Variants in INPP5A observed in about 807,000 individuals in gnomAD.
INPP5A encodes 43 kDa inositol polyphosphate 5-phophatase.
A neutral mutation model predicts 65.2 loss-of-function variants in INPP5A; 14 were observed. The observed-to-expected ratio is 0.21, with a 90% confidence interval of 0.14 to 0.34. The LOEUF (loss-of-function observed/expected upper bound fraction) is 0.34, where lower values mean the gene tolerates loss of function less well. Ranked by LOEUF, INPP5A falls within the 10% of genes least tolerant of loss-of-function variation. The pLI is 1.00. For missense variants in INPP5A, 431 were observed against 545.6 expected (o/e 0.79, Z 2.09); for synonymous variants, 207 against 208.3 (o/e 0.99, Z 0.05).
intron 1 of INPP5A, among the ~76,000 whole-genome samples, chr10:132,605,024 C>T (rs2071827898): frequency 6.6e-6 from 1 of 151,998 alleles, no homozygotes; most frequent in Admixed American, 6.5e-5. Context: ...AGGGTGGATC[C>T]ACTTGTGTTT....
At chr10:132,685,425 C>T (rs1254006622) in intron 4 of INPP5A, among the ~76,000 whole-genome samples, 2 of 152,266 alleles carry the variant, frequency 1.3e-5, no homozygotes, top group Non-Finnish European at 2.9e-5. Flanking sequence ...CTGTCTCGAG[C>T]AGAGTGTGTG....
rs903158995 is a variant in INPP5A, at chr10:132,547,771, G to A, written c.75+9600G>A. ...GCCCGCGTGCCCCCAGCCCTGTGAC[G>A]CGCTCTTGGTGACTCACCAAGTGAG... On this transcript the variant is annotated intron_variant, in intron 1 of 15. Coordinates refer to ENST00000368594, the MANE Select transcript of INPP5A (RefSeq NM_005539.5). This position sits in a 1 kb window ranked among gnomAD's most constrained non-coding sequence, Gnocchi z 5.5. Among the ~76,000 whole-genome samples, 9 of 152,138 alleles carry A rather than the reference G, an allele frequency of 5.9e-5. No individual in the cohort carries two copies. The highest frequency in any genetic ancestry group is 1.7e-4 in the African/African-American group (7 of 41,430).
At chr10:132,688,236 TAA>T (rs1420832269) in intron 4 of INPP5A, among the ~76,000 whole-genome samples, 1 of 152,142 alleles carries the variant, frequency 6.6e-6, no homozygotes, top group Non-Finnish European at 1.5e-5. Context: ...GCCCAGAACA[TAA>T]GTCCCCTCAC....
chr10:132,768,072 T>C (rs1186392932), intron 12 of INPP5A, among the ~76,000 whole-genome samples: 2 of 136,262 alleles, frequency 1.5e-5, no homozygotes, highest in Non-Finnish European at 3.1e-5. Flanking sequence ...ACGCACCCAA[T>C]GGCATTCCAG....
intron 8 of INPP5A, among the ~76,000 whole-genome samples, chr10:132,724,351 G>A (rs1052239635): frequency 3.9e-5 from 6 of 152,208 alleles, no homozygotes; most frequent in African/African-American, 1.4e-4. Context: ...AATTCCGGAT[G>A]GATTAAAGGA....
chr10:132,773,663 G>T (rs1464993249), intron 12 of INPP5A, among the ~76,000 whole-genome samples: 2 of 152,238 alleles, frequency 1.3e-5, no homozygotes, highest in Non-Finnish European at 1.5e-5. Flanking sequence ...CATACAGACT[G>T]TGGGACCTGT....
intron 4 of INPP5A, among the ~76,000 whole-genome samples, chr10:132,662,191 A>C (rs2072745245): frequency 6.6e-6 from 1 of 152,214 alleles, no homozygotes; most frequent in East Asian, 1.9e-4. Context: ...GTAGCACTGC[A>C]GCCGTCGTGT....
Position 132,637,068 on chromosome 10 carries a change from C to T in INPP5A, c.118-8800C>T, listed in dbSNP as rs1015250334. On this transcript the variant is annotated intron_variant, in intron 2 of 15. Transcript: ENST00000368594. The surrounding 1 kb of genome is among the most constrained non-coding windows in gnomAD (Gnocchi z 4.1). ...AAGTAGGTAGGACTACAAGCGTGCG[C>T]CACCAGGCCCAGCTAATTTTTGCAT... Among the ~76,000 whole-genome samples the T allele has an allele frequency of 4.6e-5, 7 of 152,174 alleles. No homozygotes were observed. Among genetic ancestry groups the T allele is most frequent in the Non-Finnish European group, 1.0e-4 (7 of 68,040 alleles).
At position 132,670,643 on chromosome 10, in the gene INPP5A, G is replaced by T. The variant is rs1362099074; in HGVS notation, c.307-19749G>T. Among the ~76,000 whole-genome samples the T allele has an allele frequency of 2.6e-5, 4 of 151,710 alleles. No homozygotes were observed. The South Asian group carries it at 6.3e-4, about 24-fold the overall frequency. On this transcript the variant is annotated intron_variant, in intron 4 of 15. Coordinates refer to ENST00000368594, the MANE Select transcript of INPP5A (RefSeq NM_005539.5). ...GCACAGCTAAGTCTTCACCCTGCCTGCGCGCATCCCTGTGGCCTTCTGGGA... is the reference window on the plus strand; with the variant it reads ...GCACAGCTAAGTCTTCACCCTGCCTTCGCGCATCCCTGTGGCCTTCTGGGA...
At chr10:132,669,715 C>T (rs966694247) in intron 4 of INPP5A, among the ~76,000 whole-genome samples, 17 of 152,146 alleles carry the variant, frequency 1.1e-4, no homozygotes, top group African/African-American at 3.1e-4. Context: ...AGGGCGGGCG[C>T]GGTTCGTGCT....
At chr10:132,611,571 A>C (rs1471908718) in intron 2 of INPP5A, among the ~76,000 whole-genome samples, 1 of 118,478 alleles carries the variant, frequency 8.4e-6, no homozygotes, top group African/African-American at 3.4e-5. Context: ...TGGGAAGGGG[A>C]GAGGCCCTGT....
intron 4 of INPP5A, among the ~76,000 whole-genome samples, chr10:132,686,001 C>T (rs1264494229): frequency 2.6e-5 from 4 of 152,236 alleles, no homozygotes; most frequent in African/African-American, 9.7e-5. Flanking sequence ...CCCCATGGTA[C>T]GCAGGGTTCG....
chr10:132,666,791 G>A (rs912495116), intron 4 of INPP5A, among the ~76,000 whole-genome samples: 6 of 152,208 alleles, frequency 3.9e-5, no homozygotes, highest in East Asian at 3.8e-4. Context: ...GGCCCCCAGC[G>A]TGTGCTGTGC....
chr10:132,745,133 TG>T (rs1180859253), intron 9 of INPP5A, among the ~76,000 whole-genome samples: 1 of 152,120 alleles, frequency 6.6e-6, no homozygotes, highest in Non-Finnish European at 1.5e-5. Flanking sequence ...GGTGACGTGG[TG>T]GGAGGGCGCT....
At chr10:132,696,967 A>G (rs747713319) in intron 5 of INPP5A, among the ~76,000 whole-genome samples, 2 of 152,222 alleles carry the variant, frequency 1.3e-5, no homozygotes, top group Non-Finnish European at 2.9e-5. Flanking sequence ...TCCTCCTGCC[A>G]TAGTGGGGTG....
At position 132,557,277 on chromosome 10, in the gene INPP5A, C is replaced by T. The variant is rs143243193; in HGVS notation, c.75+19106C>T. On this transcript the variant is annotated intron_variant, in intron 1 of 15. Coordinates refer to ENST00000368594, the MANE Select transcript of INPP5A (RefSeq NM_005539.5). ...GGGGCCACTGTGACTCCCATGGAGC[C>T]TGGGATTTGTTCCGGTTAGGCCACG... Among the ~76,000 whole-genome samples the T allele has an allele frequency of 3.3e-5, 5 of 152,358 alleles. No individual in the cohort carries two copies. The East Asian group carries it at 9.7e-4, about 29-fold the overall frequency.
At chr10:132,679,945 C>A (rs2073020623) in intron 4 of INPP5A, among the ~76,000 whole-genome samples, 1 of 152,216 alleles carries the variant, frequency 6.6e-6, no homozygotes, top group Non-Finnish European at 1.5e-5. Context: ...CCTCACATTA[C>A]ATTGTGTACA....
intron 1 of INPP5A, among the ~76,000 whole-genome samples, chr10:132,597,371 C>T (rs1468851208): frequency 6.6e-6 from 1 of 152,176 alleles, no homozygotes; most frequent in African/African-American, 2.4e-5. Flanking sequence ...GGCCATCTCC[C>T]CTGTTCCTGC....
Position 132,766,551 on chromosome 10 carries a change from TGTG to T in INPP5A, c.977+707_977+709del, listed in dbSNP as rs1223494599. On this transcript the variant is annotated intron_variant, in intron 12 of 15. Coordinates refer to ENST00000368594, the MANE Select transcript of INPP5A (RefSeq NM_005539.5). ...GTGCGTGGGGCGTGCGTCACACAGTTGTGGATGTGTGTGCATAAGGTGTGCTCG... is the reference window on the plus strand; with the variant it reads ...GTGCGTGGGGCGTGCGTCACACAGTTGATGTGTGTGCATAAGGTGTGCTCG... 3.9e-5 allele frequency among the ~76,000 whole-genome samples: 6 copies of T among 152,192 alleles called. No homozygotes were observed. In the South Asian group the frequency reaches 8.3e-4, roughly 21 times the overall value.
Sources: allele counts gnomAD v4.1 joint callset (sites outside exome capture counted in the v4.1 genomes callset), GRCh38; gene constraint gnomAD v4.1.1; non-coding constraint Gnocchi (gnomAD v3.1); transcripts MANE v1.5; gene names NCBI Gene and HGNC (gene_info 2026-07-23, HGNC 2026-07-21).